Variants in HID1 observed in about 807,000 individuals in gnomAD.
The protein encoded by HID1 is HID1 domain containing, also known as protein HID1.
A neutral mutation model predicts 89.7 loss-of-function variants in HID1; 42 were observed. The ratio of observed to expected loss-of-function variants is 0.47; its 90% CI spans 0.37 to 0.61. The LOEUF is 0.61. Ranked by LOEUF, HID1 falls within the 20% of genes least tolerant of loss-of-function variation. The probability of loss-of-function intolerance (pLI) is 0.00; values close to 1 mark genes in which losing one functional copy is unlikely to be tolerated. For missense variants in HID1, 854 were observed against 1,039.3 expected (o/e 0.82, Z 2.45); for synonymous variants, 442 against 433.8 (o/e 1.02, Z -0.24).
chr17:74,952,872 A>G (rs1448392385), intron 16 of HID1, 134 bp downstream of exon 16: 2 of 665,486 alleles, frequency 3.0e-6, no homozygotes, highest in Admixed American at 2.8e-5. Flanking sequence ...CTTCTATGCT[A>G]GGGTCCTTTG....
rs114563690 is a variant in HID1, at chr17:74,964,663, C to T, written c.67-31G>A. ...GGGGGACCAAGGGTCCAGAGTTACA[C>T]AACTCCTGGCCAGAGGGCCTACACT... On this transcript the variant is annotated intron_variant, in intron 1 of 18. Transcript: ENST00000425042. The T allele has an allele frequency of 5.2e-4, 829 of 1,598,978 alleles. 4 individuals carry two copies. The African/African-American group carries it at 9.7e-3, about 19-fold the overall frequency.
rs988782173 is a variant in HID1 at position 74,958,087 on chromosome 17, T to G, written c.1471+54A>C. ...CTGGAGCAAGTGGCAGGTTGGCCTG[T>G]GGCCTGACACCACCTGGTGGTGAGC... On this transcript the variant is annotated intron_variant, in intron 12 of 18. Transcript: ENST00000425042. The surrounding 1 kb of genome is among the most constrained non-coding windows in gnomAD (Gnocchi z 5.2). 6.6e-7 allele frequency: 1 copy of G among 1,519,846 alleles called. No homozygotes were observed. Among genetic ancestry groups the G allele is most frequent in the African/African-American group, 1.4e-5 (1 of 72,648 alleles). The allele number at this position is 1,519,846 out of a possible 1,614,324, so 94.1% of individuals were successfully genotyped here.
At chr17:74,966,400 C>G (rs918092159) in intron 1 of HID1, among the ~76,000 whole-genome samples, 1 of 151,300 alleles carries the variant, frequency 6.6e-6, no homozygotes, top group Admixed American at 6.6e-5. Flanking sequence ...GCACATGTTA[C>G]TATTTTTTTC....
At position 74,958,657 on chromosome 17, in the gene HID1, C is replaced by G; in HGVS notation, c.1240+16G>C. ...CCAGGAAAGCCCCCAGCATCCCACC[C>G]CCACCCTGGTCTTACACTGATCGGC... On this transcript the variant is annotated intron_variant, in intron 10 of 18. Transcript: ENST00000425042. The surrounding 1 kb of genome is among the most constrained non-coding windows in gnomAD (Gnocchi z 5.2). 1 of 1,525,702 alleles carries G rather than the reference C, an allele frequency of 6.6e-7. No homozygotes were observed. Among genetic ancestry groups the G allele is most frequent in the Non-Finnish European group, 9.1e-7 (1 of 1,100,496 alleles). The allele number at this position is 1,525,702 out of a possible 1,614,324, so 94.5% of individuals were successfully genotyped here.
chr17:74,966,454 C>T (rs765740805), intron 1 of HID1, among the ~76,000 whole-genome samples: 4 of 151,876 alleles, frequency 2.6e-5, no homozygotes, highest in African/African-American at 9.7e-5. Context: ...GTCCAAGGCA[C>T]GCGCACCTCC....
chr17:74,956,571 G>A (rs568362007), intron 12 of HID1, among the ~76,000 whole-genome samples: 7 of 152,266 alleles, frequency 4.6e-5, no homozygotes, highest in African/African-American at 1.4e-4. Context: ...GCTCAGTTAA[G>A]ATTTGTGAGA....
chr17:74,962,358 A>G lies in HID1; in HGVS notation c.505-18T>C. On this transcript the variant is annotated intron_variant, in intron 4 of 18. Coordinates refer to ENST00000425042, the MANE Select transcript of HID1 (RefSeq NM_030630.3). The surrounding 1 kb of genome is among the most constrained non-coding windows in gnomAD (Gnocchi z 4.3). ...GCCGAGTCCTGGGGACAGGCCAGGA[A>G]GAAGCCGGGTTAGGGGGTCGAGAGG... 3 of 1,578,298 alleles carry G rather than the reference A, an allele frequency of 1.9e-6. No homozygotes were observed. Among genetic ancestry groups the G allele is most frequent in the Non-Finnish European group, 2.6e-6 (3 of 1,150,786 alleles).
At chr17:74,969,422 G>A (rs1237893811) in intron 1 of HID1, among the ~76,000 whole-genome samples, 2 of 152,000 alleles carry the variant, frequency 1.3e-5, no homozygotes, top group Admixed American at 6.6e-5. Flanking sequence ...TCCTGACCTC[G>A]TGATCCACCC....
At chr17:74,955,987 C>A (rs764756286) in intron 12 of HID1, 31 bp from the exon 13 acceptor site, 3 of 1,604,824 alleles carry the variant, frequency 1.9e-6, no homozygotes, top group Non-Finnish European at 2.6e-6. Context: ...CACTCCTGGG[C>A]CCCTCAGCCA....
intron 6 of HID1, among the ~76,000 whole-genome samples, chr17:74,961,041 G>C (rs990886311): frequency 6.7e-6 from 1 of 148,552 alleles, no homozygotes; most frequent in Non-Finnish European, 1.5e-5. Flanking sequence ...TCCCCGACCC[G>C]GTCTCTAAGC....
At chr17:74,961,830 G>C in intron 6 of HID1, 43 bp downstream of exon 6, 2 of 1,273,852 alleles carry the variant, frequency 1.6e-6, no homozygotes, top group South Asian at 1.6e-5. Context: ...GGATTGCCTG[G>C]AATAAGAGGG....
chr17:74,966,742 GAGTTCA>G (rs1196966524), intron 1 of HID1, among the ~76,000 whole-genome samples: 4 of 152,034 alleles, frequency 2.6e-5, no homozygotes, highest in Non-Finnish European at 5.9e-5. Context: ...TTGAGCCCAG[GAGTTCA>G]AGACCAGCCT....
intron 1 of HID1, among the ~76,000 whole-genome samples, chr17:74,969,281 G>C (rs1287112410): frequency 6.6e-6 from 1 of 151,738 alleles, no homozygotes; most frequent in Non-Finnish European, 1.5e-5. Flanking sequence ...TGCAAGCTGT[G>C]CCTCCCGGGT....
Position 74,959,151 on chromosome 17 carries a change from A to T in HID1, c.1009-100T>A. ...ACAAATCCCCCCCTCCATCCCCCAG[A>T]GCCAGATCCCACCTCCAGAGCCAGA... On this transcript the variant is annotated intron_variant, in intron 8 of 18. Coordinates refer to ENST00000425042, the MANE Select transcript of HID1 (RefSeq NM_030630.3). The surrounding 1 kb of genome is among the most constrained non-coding windows in gnomAD (Gnocchi z 4.6). 7.5e-7 allele frequency: 1 copy of T among 1,341,458 alleles called. No individual in the cohort carries two copies. The highest frequency in any genetic ancestry group is 1.6e-5 in the South Asian group (1 of 62,398). The allele number at this position is 1,341,458 out of a possible 1,614,324, so 83.1% of individuals were successfully genotyped here.
intron 1 of HID1, among the ~76,000 whole-genome samples, chr17:74,969,922 C>CT (rs61436029): frequency 0.75 from 84,341 of 112,112 alleles, 34,840 homozygotes; most frequent in Non-Finnish European, 0.89. Context: ...TTTCTTTTTT[C>CT]TTTTTTTTTT....
chr17:74,965,950 C>T (rs536973382), intron 1 of HID1, among the ~76,000 whole-genome samples: 16 of 150,870 alleles, frequency 1.1e-4, no homozygotes, highest in African/African-American at 3.7e-4. Context: ...TATAAAACTT[C>T]GTCTAGGATG....
rs1429845665 is a variant in HID1 at position 74,959,006 on chromosome 17, G to T, written c.1054C>A (p.Pro352Thr). ...TTAGGCAGGTAGGTCTGGAGCAGGG[G>T]GTTGGACAGCAGCCGGGCTATACCC... is the stretch of plus-strand genomic sequence containing the variant. ...LKGIARLLSNPLLQTYLPNST... is the reference protein window; with the variant it reads ...LKGIARLLSNTLLQTYLPNST... Residue 352 changes from proline (P) to threonine (T), a missense_variant, in exon 9 of 19, where the codon CCC (proline) becomes ACC (threonine). Transcript: ENST00000425042. The surrounding 1 kb of genome is among the most constrained non-coding windows in gnomAD (Gnocchi z 4.6). 6.3e-6 allele frequency: 10 copies of T among 1,597,690 alleles called. No individual in the cohort carries two copies. In the East Asian group the frequency reaches 2.2e-4, roughly 36 times the overall value.
chr17:74,966,803 A>T (rs2039570379), intron 1 of HID1, among the ~76,000 whole-genome samples: 1 of 151,994 alleles, frequency 6.6e-6, no homozygotes, highest in South Asian at 2.1e-4. Flanking sequence ...CAAAAAATAA[A>T]AACAAATTCA....
rs372070836 is a variant in HID1 at position 74,962,003 on chromosome 17, G to A, written c.612-14C>T. 38 of 1,540,994 alleles carry A rather than the reference G, an allele frequency of 2.5e-5. No homozygotes were observed. The Admixed American group carries it at 4.2e-4, about 17-fold the overall frequency. Reference sequence around the variant, plus strand: ...AGCAGCTCCATCCTTGTAGGAGGAAGGGGGAGGGCACCTTAGGATCCCAGT... The same window carrying A: ...AGCAGCTCCATCCTTGTAGGAGGAAAGGGGAGGGCACCTTAGGATCCCAGT... On this transcript the variant is annotated splice_polypyrimidine_tract_variant and intron_variant, in intron 5 of 18. Coordinates refer to ENST00000425042, the MANE Select transcript of HID1 (RefSeq NM_030630.3). This position sits in a 1 kb window ranked among gnomAD's most constrained non-coding sequence, Gnocchi z 4.3.
Sources: allele counts gnomAD v4.1 joint callset (sites outside exome capture counted in the v4.1 genomes callset), GRCh38; gene constraint gnomAD v4.1.1; non-coding constraint Gnocchi (gnomAD v3.1); transcripts MANE v1.5; gene names NCBI Gene and HGNC (gene_info 2026-07-23, HGNC 2026-07-21).